Variants in ZNF541 observed in about 807,000 individuals in gnomAD.
The protein encoded by ZNF541 is zinc finger protein 541.
ZNF541 carries 23 observed loss-of-function variants against 123.5 expected under a neutral mutation model. The ratio of observed to expected loss-of-function variants is 0.19; its 90% CI spans 0.13 to 0.26. The LOEUF (loss-of-function observed/expected upper bound fraction) is 0.26, where lower values mean the gene tolerates loss of function less well. Ranked by LOEUF, ZNF541 falls within the 10% of genes least tolerant of loss-of-function variation. The probability of loss-of-function intolerance (pLI) is 1.00; values close to 1 mark genes in which losing one functional copy is unlikely to be tolerated. For synonymous variants in ZNF541, 751 were observed against 754.5 expected (o/e 1.00, Z 0.08); for missense variants, 1,612 against 1,789.9 (o/e 0.90, Z 1.79).
chr19:47,531,725 C>A lies in ZNF541; in HGVS notation c.3322G>T (p.Ala1108Ser). 6.5e-7 allele frequency: 1 copy of A among 1,547,716 alleles called. No individual in the cohort carries two copies. The highest frequency in any genetic ancestry group is 8.7e-7 in the Non-Finnish European group (1 of 1,143,992). The change falls in exon 12 of 17, where the codon GCA (alanine) becomes TCA (serine). Residue 1108 changes from alanine (A) to serine (S), a missense_variant. This residue lies in a region of ZNF541 where 285 missense variants were observed against 407.3 expected (regional missense o/e 0.70). Transcript: ENST00000391901. ...CCTCCTGGCATCACGCTGGAGCATG[C>A]CACATTGCAGAGCTCGGTCACTGTT... is the stretch of plus-strand genomic sequence containing the variant. ...QDRVTELCNVACSSVMPGGGT... is the reference protein window; with the variant it reads ...QDRVTELCNVSCSSVMPGGGT...
chr19:47,525,408 A>T (rs1215632190), intron 14 of ZNF541, among the ~76,000 whole-genome samples: 1 of 152,138 alleles, frequency 6.6e-6, no homozygotes, highest in Non-Finnish European at 1.5e-5. Context: ...TGGATAAGCT[A>T]CTTAGAAAGT....
At chr19:47,540,442 CTTTT>C in intron 6 of ZNF541, 107 bp from the exon 7 acceptor site, 19 of 951,430 alleles carry the variant, frequency 2.0e-5, no homozygotes, top group East Asian at 3.3e-5. Context: ...AATCCACTGA[CTTTT>C]TTTTTTTTTT....
At chr19:47,530,511 T>C (rs8104623) in intron 12 of ZNF541, among the ~76,000 whole-genome samples, 17,919 of 151,842 alleles carry the variant, frequency 0.12, 1,204 homozygotes, top group East Asian at 0.22. Flanking sequence ...TTTCCTAAAA[T>C]GTAAGCCCCC....
chr19:47,562,726 T>C (rs1364693414), intron 2 of ZNF541, among the ~76,000 whole-genome samples: 9 of 152,222 alleles, frequency 5.9e-5, no homozygotes, highest in Admixed American at 5.9e-4. Context: ...TGGAATCAGA[T>C]GACCTGTGGC....
chr19:47,555,096 G>A (rs1430096483), intron 3 of ZNF541, among the ~76,000 whole-genome samples: 2 of 151,450 alleles, frequency 1.3e-5, no homozygotes, highest in South Asian at 2.1e-4. Flanking sequence ...TTGGCCGGGT[G>A]CGGTGGCTCA....
intron 4 of ZNF541, among the ~76,000 whole-genome samples, chr19:47,547,990 G>C (rs1384284018): frequency 6.8e-6 from 1 of 147,014 alleles, no homozygotes; most frequent in Non-Finnish European, 1.5e-5. Context: ...GCAGTGAGCT[G>C]AGATCACACC....
rs1421783670 is a variant in ZNF541, at chr19:47,565,434, C to CA, written c.-99+6461dup. On this transcript the variant is annotated intron_variant, in intron 2 of 16. Coordinates refer to ENST00000391901, the MANE Select transcript of ZNF541 (RefSeq NM_001277075.3). The stretch of plus-strand genomic sequence containing the variant: ...GGTGTGTTTATGATTGCACTCATGC[C>CA]AAAAAGGACTACTTAATTGCTTCAG... Among the ~76,000 whole-genome samples, 10 of 152,168 alleles carry CA rather than the reference C, an allele frequency of 6.6e-5. No homozygotes were observed. In the South Asian group the frequency reaches 2.1e-3, roughly 32 times the overall value.
chr19:47,563,053 T>C (rs1194860355), intron 2 of ZNF541, among the ~76,000 whole-genome samples: 1 of 152,210 alleles, frequency 6.6e-6, no homozygotes, highest in African/African-American at 2.4e-5. Context: ...CTAAGAACTT[T>C]TCATGTTGAT....
At chr19:47,539,960 T>C in intron 7 of ZNF541, 82 bp from the exon 8 acceptor site, 1 of 1,497,914 alleles carries the variant, frequency 6.7e-7, no homozygotes, top group Non-Finnish European at 8.8e-7. Flanking sequence ...AAAAAAGCTG[T>C]CATAGAAAAC....
intron 2 of ZNF541, among the ~76,000 whole-genome samples, chr19:47,561,604 C>G (rs1014566698): frequency 8.5e-5 from 13 of 152,120 alleles, no homozygotes; most frequent in African/African-American, 3.1e-4. Context: ...GACCTTCGCT[C>G]TGTGCAGGCA....
intron 9 of ZNF541, among the ~76,000 whole-genome samples, chr19:47,536,375 T>A (rs1969820608): frequency 6.6e-6 from 1 of 152,174 alleles, no homozygotes; most frequent in Non-Finnish European, 1.5e-5. Flanking sequence ...GTGGCCAGGA[T>A]TATAGGCACC....
chr19:47,521,817 GA>G lies in ZNF541; in HGVS notation c.3711+36del. The G allele has an allele frequency of 6.5e-7, 1 of 1,544,998 alleles. No individual in the cohort carries two copies. Among genetic ancestry groups the G allele is most frequent in the East Asian group, 2.5e-5 (1 of 40,790 alleles). On this transcript the variant is annotated intron_variant, in intron 15 of 16. Coordinates refer to ENST00000391901, the MANE Select transcript of ZNF541 (RefSeq NM_001277075.3). This position sits in a 1 kb window ranked among gnomAD's most constrained non-coding sequence, Gnocchi z 4.2. ...CTCAACGGGTAGCAGGCACTGGGAG[GA>G]GAGAAGAGCTCCCGACACAGCCCTG...
At chr19:47,530,512 G>A (rs1028859957) in intron 12 of ZNF541, among the ~76,000 whole-genome samples, 16 of 151,996 alleles carry the variant, frequency 1.1e-4, no homozygotes, top group African/African-American at 1.5e-4. Flanking sequence ...TTCCTAAAAT[G>A]TAAGCCCCCT....
Position 47,544,656 on chromosome 19 carries a change from C to A in ZNF541, c.1873G>T (p.Ala625Ser), listed in dbSNP as rs1970239253. Residue 625 changes from alanine (A) to serine (S), a missense_variant, in exon 5 of 17, where the codon GCC becomes TCC. Physicochemically the swap from Ala to Ser is moderately conservative, Grantham distance 99. Around this residue, in one of 5 missense-constraint regions of ZNF541, gnomAD observed 1,080 missense variants for 1,013.8 expected, o/e 1.07. Coordinates refer to ENST00000391901, the MANE Select transcript of ZNF541 (RefSeq NM_001277075.3). Reference sequence around the variant, plus strand: ...CCGGGTGTGGTTTTTCTCCTGCGGGCTGGGGAGCCCTCTGCCTCGGGGTTT... The same window carrying A: ...CCGGGTGTGGTTTTTCTCCTGCGGGATGGGGAGCCCTCTGCCTCGGGGTTT... The part of the protein sequence containing the change: ...PGNPEAEGSP[A>S]RRRKTTPGVP... The A allele has an allele frequency of 3.2e-6, 5 of 1,541,878 alleles. 1 individual carries two copies. The South Asian group carries it at 4.8e-5, about 15-fold the overall frequency.
chr19:47,550,917 G>T (rs1222087095), intron 3 of ZNF541, among the ~76,000 whole-genome samples: 1 of 152,162 alleles, frequency 6.6e-6, no homozygotes, highest in Non-Finnish European at 1.5e-5. Flanking sequence ...GCTCACTGCT[G>T]TGTTCTCAGA....
intron 2 of ZNF541, among the ~76,000 whole-genome samples, chr19:47,566,554 T>C (rs541573379): frequency 6.6e-6 from 1 of 152,130 alleles, no homozygotes; most frequent in East Asian, 1.9e-4. Flanking sequence ...AAGACCAGCC[T>C]GACCAATATA....
intron 3 of ZNF541, among the ~76,000 whole-genome samples, chr19:47,552,548 C>T (rs1970640787): frequency 1.3e-5 from 2 of 151,958 alleles, no homozygotes; most frequent in African/African-American, 4.8e-5. Flanking sequence ...TCGAGACCAT[C>T]CTGGCTAACA....
rs1971490124 is a variant in ZNF541 at position 47,571,887 on chromosome 19, GA to G, written c.-99+8del. Among the ~76,000 whole-genome samples the G allele has an allele frequency of 6.6e-6, 1 of 152,190 alleles. No homozygotes were observed. Among genetic ancestry groups the G allele is most frequent in the African/African-American group, 2.4e-5 (1 of 41,444 alleles). On this transcript the variant is annotated splice_region_variant and intron_variant, in intron 2 of 16. Coordinates refer to ENST00000391901, the MANE Select transcript of ZNF541 (RefSeq NM_001277075.3). ...TGTCTTTGGCTCAGTGCAAAGGAAGGAAACTCACCAGAAGAGCAAGTTAGTG... is the reference window on the plus strand; with the variant it reads ...TGTCTTTGGCTCAGTGCAAAGGAAGGAACTCACCAGAAGAGCAAGTTAGTG...
chr19:47,571,035 C>T lies in ZNF541; in HGVS notation c.-99+861G>A, dbSNP rs867097355. On this transcript the variant is annotated intron_variant, in intron 2 of 16. Coordinates refer to ENST00000391901, the MANE Select transcript of ZNF541 (RefSeq NM_001277075.3). ...CCACATACACATGTGCCCAAGCAGA[C>T]ACGCATCTAAAAGAAAGAAACCCGA... Among the ~76,000 whole-genome samples, 8 of 151,838 alleles carry T rather than the reference C, an allele frequency of 5.3e-5. No homozygotes were observed. The East Asian group carries it at 1.5e-3, about 29-fold the overall frequency.
Sources: allele counts gnomAD v4.1 joint callset (sites outside exome capture counted in the v4.1 genomes callset), GRCh38; gene constraint gnomAD v4.1.1; regional missense constraint gnomAD v4.1.1; non-coding constraint Gnocchi (gnomAD v3.1); transcripts MANE v1.5; gene names NCBI Gene and HGNC (gene_info 2026-07-23, HGNC 2026-07-21).